Variants in GTF3C1 observed in about 807,000 individuals in gnomAD.
GTF3C1 encodes the protein general transcription factor 3C polypeptide 1.
In GTF3C1, 57 loss-of-function variants were observed where a neutral mutation model predicts 226.7. The observed-to-expected ratio is 0.25, with a 90% CI of 0.20 to 0.31. The LOEUF is 0.31. Among genes scored for constraint, GTF3C1 ranks in the 10% least tolerant of loss-of-function variants. The pLI is 1.00. For missense variants in GTF3C1, 2,217 were observed against 2,776.1 expected (o/e 0.80, Z 4.53); for synonymous variants, 1,090 against 1,084.8 (o/e 1.00, Z -0.09).
chr16:27,473,749 C>A lies in GTF3C1; in HGVS notation c.4354-1829G>T, dbSNP rs182265980. Among the ~76,000 whole-genome samples the A allele has an allele frequency of 1.3e-3, 191 of 152,342 alleles. 1 individual carries two copies. Among genetic ancestry groups the A allele is most frequent in the African/African-American group, 4.4e-3 (182 of 41,594 alleles). The stretch of plus-strand genomic sequence containing the variant: ...ATCTGAATGAAGCCTGTGCAACTTG[C>A]TTCCTCTAGACAGCACCTGTGCGCC... On this transcript the variant is annotated intron_variant, in intron 29 of 36. Transcript: ENST00000356183.
chr16:27,507,327 G>A lies in GTF3C1; in HGVS notation c.1243-171C>T, dbSNP rs73533025. Among the ~76,000 whole-genome samples the A allele has an allele frequency of 0.03, 4,578 of 152,194 alleles. 220 individuals carry two copies. Among genetic ancestry groups the A allele is most frequent in the African/African-American group, 0.1 (4,332 of 41,498 alleles). Reference sequence around the variant, plus strand: ...TGCTCCCTCCAGGCTCTTCCTCTCTGTAATCCCCCAGGTCTTCCTTCCACA... The same window carrying A: ...TGCTCCCTCCAGGCTCTTCCTCTCTATAATCCCCCAGGTCTTCCTTCCACA... On this transcript the variant is annotated intron_variant, in intron 8 of 36. Transcript: ENST00000356183. This position sits in a 1 kb window ranked among gnomAD's most constrained non-coding sequence, Gnocchi z 4.9.
At chr16:27,514,427 G>C (rs2141415505) in intron 6 of GTF3C1, among the ~76,000 whole-genome samples, 1 of 152,152 alleles carries the variant, frequency 6.6e-6, no homozygotes, top group African/African-American at 2.4e-5. Flanking sequence ...TGAAGGCTCG[G>C]GCACTGGGAC....
At chr16:27,485,933 G>C in intron 24 of GTF3C1, 64 bp downstream of exon 24, 1 of 1,125,508 alleles carries the variant, frequency 8.9e-7, no homozygotes, top group Non-Finnish European at 1.3e-6. Context: ...GTCCCCGGAA[G>C]GCTCAGACAG....
chr16:27,492,617 C>T lies in GTF3C1; in HGVS notation c.2973G>A (p.Gln991=), dbSNP rs151168922. The T allele has an allele frequency of 5.4e-5, 85 of 1,580,958 alleles. No homozygotes were observed. In the African/African-American group the frequency reaches 1.0e-3, roughly 19 times the overall value. The change falls in exon 18 of 37, where the codon CAG becomes CAA. Residue 991 remains glutamine, a splice_region_variant and synonymous_variant. Transcript: ENST00000356183. This position sits in a 1 kb window ranked among gnomAD's most constrained non-coding sequence, Gnocchi z 5.0. The part of the protein sequence containing the change: ...GPTEKFQDKD[Q]VFIFLKKNAV... Reference sequence around the variant, plus strand: ...TTCGTTTGGGCTTGAGGGACATTACCTGATCTTTATCCTGAAACTTTTCCG... The same window carrying T: ...TTCGTTTGGGCTTGAGGGACATTACTTGATCTTTATCCTGAAACTTTTCCG...
rs1332779708 is a variant in GTF3C1, at chr16:27,469,768, C to T, written c.4815-218G>A. 6.6e-6 allele frequency among the ~76,000 whole-genome samples: 1 copy of T among 152,154 alleles called. No homozygotes were observed. The highest frequency in any genetic ancestry group is 2.4e-5 in the African/African-American group (1 of 41,440). The stretch of plus-strand genomic sequence containing the variant: ...CTCACCCCTTGTCACATAGCTGTAT[C>T]TCTGTGGGGACTGTTCCTTTTGCCC... On this transcript the variant is annotated intron_variant, in intron 31 of 36. Coordinates refer to ENST00000356183, the MANE Select transcript of GTF3C1 (RefSeq NM_001520.4). The surrounding 1 kb of genome is among the most constrained non-coding windows in gnomAD (Gnocchi z 4.5).
Position 27,498,668 on chromosome 16 carries a change from C to A in GTF3C1, c.2127G>T (p.Gln709His). ...TTGAATTGGAGATCCGGAAGCGGAC[C>A]TGCTCGATGGCACTTCTCACTAGAG... The part of the protein sequence containing the change: ...NDPLVRSAIE[Q>H]VRFRISNSST... The change falls in exon 13 of 37, where the codon CAG becomes CAT. Residue 709 changes from glutamine (Q) to histidine (H), a missense_variant. Coordinates refer to ENST00000356183, the MANE Select transcript of GTF3C1 (RefSeq NM_001520.4). 6.2e-7 allele frequency: 1 copy of A among 1,607,176 alleles called. No homozygotes were observed. Among genetic ancestry groups the A allele is most frequent in the Non-Finnish European group, 8.5e-7 (1 of 1,173,676 alleles).
Position 27,488,334 on chromosome 16 carries a change from T to G in GTF3C1, c.3593A>C (p.Asp1198Ala). ...GTTTCGGTCCAGCGAGGGCTCTCGG[T>G]CCACCTCAAACTGCTCTTCCCAGCC... ...CAGWEEQFEV[D>A]REPSLDRNRR... Residue 1198 changes from aspartate (D) to alanine (A), a missense_variant, in exon 23 of 37, where the codon GAC (aspartate) becomes GCC (alanine). Transcript: ENST00000356183. 6.2e-7 allele frequency: 1 copy of G among 1,614,100 alleles called. No individual in the cohort carries two copies. Among genetic ancestry groups the G allele is most frequent in the Non-Finnish European group, 8.5e-7 (1 of 1,179,906 alleles).
At chr16:27,495,616 T>C (rs2088304869) in intron 14 of GTF3C1, 124 bp from the exon 15 acceptor site, 1 of 837,310 alleles carries the variant, frequency 1.2e-6, no homozygotes, top group African/African-American at 1.7e-5. Context: ...ATATTCTTAC[T>C]GTCTTAGAGC....
Position 27,506,045 on chromosome 16 carries a change from T to C in GTF3C1, c.1624A>G (p.Arg542Gly), listed in dbSNP as rs1167236866. ...CTGCTGGCAAGGCTCTGGCAGGCTC[T>C]CTCTTCAGCAGCTCCTGGGAAGGAG... Reference protein sequence around the residue: ...PPSFPGAAEERACQSLASRDS... With the variant: ...PPSFPGAAEEGACQSLASRDS... Residue 542 changes from arginine (R) to glycine (G), a missense_variant, in exon 10 of 37, where the codon AGA (arginine) becomes GGA (glycine). Transcript: ENST00000356183. 26 of 1,613,780 alleles carry C rather than the reference T, an allele frequency of 1.6e-5. No homozygotes were observed. In the Admixed American group the frequency reaches 3.8e-4, roughly 24 times the overall value.
At position 27,464,395 on chromosome 16, in the gene GTF3C1, C is replaced by A; in HGVS notation, c.5797G>T (p.Gly1933Cys). The change falls in exon 34 of 37, where the codon GGT becomes TGT. Residue 1933 changes from glycine to cysteine, a missense_variant. Transcript: ENST00000356183. ...TCTTGGCCTGGGGAACTGAACTCAC[C>A]GACACCCTCTTGGTCTTCCTGTGCT... ...GAAQEDQEGV[G>C]EFSSPGQEQL... is the part of the protein sequence containing the mutation. 6.3e-7 allele frequency: 1 copy of A among 1,597,686 alleles called. No individual in the cohort carries two copies.
At chr16:27,523,819 C>A (rs538936892) in intron 6 of GTF3C1, among the ~76,000 whole-genome samples, 1 of 152,118 alleles carries the variant, frequency 6.6e-6, no homozygotes, top group Admixed American at 6.6e-5. Flanking sequence ...GGTTTCCAGC[C>A]GCAGCAGCAG....
intron 3 of GTF3C1, 36 bp from the exon 4 acceptor site, chr16:27,537,963 T>C: frequency 6.2e-7 from 1 of 1,606,718 alleles, no homozygotes; most frequent in South Asian, 1.1e-5. Context: ...TTTGCTTTGC[T>C]GGTAGTTTTA....
chr16:27,506,730 TCTCATTAGGATG>T, intron 9 of GTF3C1, 105 bp downstream of exon 9: 1 of 661,172 alleles, frequency 1.5e-6, no homozygotes, highest in East Asian at 2.7e-5. Context: ...GTGTCAGGCC[TCTCATTAGGATG>T]GCACCAAGGG....
At chr16:27,495,583 G>A in intron 14 of GTF3C1, 91 bp from the exon 15 acceptor site, 2 of 1,176,372 alleles carry the variant, frequency 1.7e-6, no homozygotes, top group Non-Finnish European at 2.4e-6. Context: ...GCCACTATGT[G>A]CCAGGGGCCA....
chr16:27,499,439 G>T (rs938010837), intron 12 of GTF3C1, among the ~76,000 whole-genome samples: 16 of 152,150 alleles, frequency 1.1e-4, no homozygotes, highest in Admixed American at 9.2e-4. Context: ...AGGCCCCCAG[G>T]GAGCCAGGCT....
intron 4 of GTF3C1, among the ~76,000 whole-genome samples, chr16:27,534,096 C>G (rs1014826218): frequency 6.6e-6 from 1 of 152,212 alleles, no homozygotes; most frequent in Non-Finnish European, 1.5e-5. Context: ...GCTGGAGACA[C>G]AAACCTAGGT....
chr16:27,490,360 G>A (rs1389563253), intron 19 of GTF3C1, among the ~76,000 whole-genome samples: 1 of 152,238 alleles, frequency 6.6e-6, no homozygotes, highest in East Asian at 1.9e-4. Context: ...CTGCTTGATA[G>A]GTGAGGGAAG....
At chr16:27,523,584 C>G (rs2088784358) in intron 6 of GTF3C1, among the ~76,000 whole-genome samples, 1 of 152,134 alleles carries the variant, frequency 6.6e-6, no homozygotes, top group South Asian at 2.1e-4. Flanking sequence ...CGGAAAGTAA[C>G]TGAAGCGGCA....
chr16:27,506,217 G>A, intron 9 of GTF3C1, 101 bp from the exon 10 acceptor site: 1 of 654,222 alleles, frequency 1.5e-6, no homozygotes, highest in Non-Finnish European at 2.7e-6. Context: ...GGATTCTGCT[G>A]AGAGTCAGTT....
Sources: allele counts gnomAD v4.1 joint callset (sites outside exome capture counted in the v4.1 genomes callset), GRCh38; gene constraint gnomAD v4.1.1; non-coding constraint Gnocchi (gnomAD v3.1); transcripts MANE v1.5; gene names NCBI Gene and HGNC (gene_info 2026-07-23, HGNC 2026-07-21).